Variants in CMSS1 observed in about 807,000 individuals in gnomAD.
The protein encoded by CMSS1 is protein CMSS1.
CMSS1 carries 33 observed loss-of-function variants against 43.5 expected under a neutral mutation model. That is an observed-to-expected ratio of 0.76 (90% CI 0.57 to 1.01). CMSS1 has a LOEUF of 1.01. CMSS1 is among the 50% of genes least tolerant of loss of function. CMSS1 has a pLI of 0.00. For synonymous variants in CMSS1, 115 were observed against 117.2 expected (o/e 0.98, Z 0.12); for missense variants, 313 against 326.4 (o/e 0.96, Z 0.32).
chr3:99,956,637 G>T (rs1708328005), intron 1 of CMSS1, among the ~76,000 whole-genome samples: 1 of 152,212 alleles, frequency 6.6e-6, no homozygotes, highest in African/African-American at 2.4e-5. Context: ...GTGAGCCCCC[G>T]CGCCCAGCCA....
chr3:99,828,631 C>A (rs1680259), intron 1 of CMSS1, among the ~76,000 whole-genome samples: 3 of 93,186 alleles, frequency 3.2e-5, no homozygotes, highest in African/African-American at 8.0e-5. Flanking sequence ...TTTTTTTTTT[C>A]TTTTCGGAGA....
chr3:99,905,721 G>T (rs1031445971), intron 1 of CMSS1, among the ~76,000 whole-genome samples: 1 of 152,096 alleles, frequency 6.6e-6, no homozygotes, highest in African/African-American at 2.4e-5. Flanking sequence ...CTTACTGAGA[G>T]GTTGCCACCA....
chr3:100,116,818 C>T (rs971891912), intron 1 of CMSS1, among the ~76,000 whole-genome samples: 3 of 152,168 alleles, frequency 2.0e-5, no homozygotes, highest in African/African-American at 7.2e-5. Flanking sequence ...TTGCTCATTG[C>T]CCCTGTGGGT....
At chr3:100,088,863 T>C (rs188272663) in intron 1 of CMSS1, among the ~76,000 whole-genome samples, 129 of 152,316 alleles carry the variant, frequency 8.5e-4, no homozygotes, top group Admixed American at 1.4e-3. Context: ...TAGTGAGCTT[T>C]TTTTTCCTTT....
At chr3:99,821,274 T>C (rs1161674811) in intron 1 of CMSS1, among the ~76,000 whole-genome samples, 1 of 152,250 alleles carries the variant, frequency 6.6e-6, no homozygotes, top group Non-Finnish European at 1.5e-5. Flanking sequence ...TGTATGCGTG[T>C]TACCTGCTAC....
chr3:100,139,611 G>GTA (rs1479770119), intron 1 of CMSS1, among the ~76,000 whole-genome samples: 8 of 144,932 alleles, frequency 5.5e-5, no homozygotes, highest in South Asian at 2.2e-4. Context: ...ATATGTGTGT[G>GTA]TGTATATATA....
At chr3:99,890,879 G>T (rs146607361) in intron 1 of CMSS1, among the ~76,000 whole-genome samples, 465 of 152,090 alleles carry the variant, frequency 3.1e-3, no homozygotes, top group African/African-American at 0.011. Context: ...TTTTTTATAT[G>T]AAGTCACGTA....
intron 1 of CMSS1, among the ~76,000 whole-genome samples, chr3:99,937,892 TAAA>T: frequency 6.6e-6 from 1 of 152,230 alleles, no homozygotes; most frequent in South Asian, 2.1e-4. Flanking sequence ...TTATTTATCT[TAAA>T]GAATTTTAGC....
intron 1 of CMSS1, among the ~76,000 whole-genome samples, chr3:100,133,028 A>T (rs2066722756): frequency 6.6e-6 from 1 of 152,072 alleles, no homozygotes; most frequent in Non-Finnish European, 1.5e-5. Flanking sequence ...AGAGTTTAGA[A>T]GTTAAGACCT....
chr3:99,859,782 C>A (rs556075050), intron 1 of CMSS1, among the ~76,000 whole-genome samples: 2 of 147,232 alleles, frequency 1.4e-5, no homozygotes, highest in East Asian at 4.0e-4. Context: ...ATTTTGGTAT[C>A]AGGCCTATAA....
chr3:100,108,752 T>C (rs2066435565), intron 1 of CMSS1, among the ~76,000 whole-genome samples: 1 of 152,182 alleles, frequency 6.6e-6, no homozygotes, highest in Admixed American at 6.6e-5. Context: ...AACAAATGTA[T>C]GCCCCTTCCA....
chr3:100,012,486 A>T (rs4928237), intron 1 of CMSS1, among the ~76,000 whole-genome samples: 88,195 of 151,910 alleles, frequency 0.58, 25,780 homozygotes, highest in East Asian at 0.73. Context: ...GGAAATCAAG[A>T]GCCTTAAGGA....
chr3:100,062,595 A>G (rs1003601569), intron 1 of CMSS1, among the ~76,000 whole-genome samples: 6 of 152,206 alleles, frequency 3.9e-5, no homozygotes, highest in African/African-American at 1.4e-4. Context: ...TGGCATATGC[A>G]TGGGCAATTA....
chr3:99,931,727 A>G (rs371823647), intron 1 of CMSS1, among the ~76,000 whole-genome samples: 1 of 152,352 alleles, frequency 6.6e-6, no homozygotes, highest in South Asian at 2.1e-4. Context: ...CGGAGATACT[A>G]CTACCTAACG....
chr3:100,155,466 GTTGTT>G (rs528376230), intron 2 of CMSS1, among the ~76,000 whole-genome samples: 35 of 152,154 alleles, frequency 2.3e-4, no homozygotes, highest in Non-Finnish European at 3.7e-4. Flanking sequence ...AAATAGATTA[GTTGTT>G]TTGTTTTGTT....
At chr3:100,078,853 T>C (rs1178823458) in intron 1 of CMSS1, among the ~76,000 whole-genome samples, 3 of 151,960 alleles carry the variant, frequency 2.0e-5, no homozygotes, top group African/African-American at 7.3e-5. Context: ...ATCACACCAC[T>C]GCACTCCAGC....
At chr3:99,991,866 A>G (rs528310515) in intron 1 of CMSS1, among the ~76,000 whole-genome samples, 2 of 149,702 alleles carry the variant, frequency 1.3e-5, no homozygotes, top group South Asian at 4.2e-4. Flanking sequence ...GTATGTGTAT[A>G]TATATACACA....
chr3:100,142,615 C>G (rs2066814319), intron 1 of CMSS1, among the ~76,000 whole-genome samples: 1 of 152,124 alleles, frequency 6.6e-6, no homozygotes, highest in East Asian at 1.9e-4. Flanking sequence ...TGTTCTTCAG[C>G]TAGCAGATTC....
In CMSS1 at chr3:99,962,306, T is replaced by C. The variant is rs75904898; in HGVS notation, c.64+144263T>C. Reference sequence around the variant, plus strand: ...AGTGGGAAGATGAGGTCGCATGTGATGGGAGAGTGGAAGATGATGGGCAGT... The same window carrying C: ...AGTGGGAAGATGAGGTCGCATGTGACGGGAGAGTGGAAGATGATGGGCAGT... On this transcript the variant is annotated intron_variant, in intron 1 of 9. Transcript: ENST00000421999. Among the ~76,000 whole-genome samples, 514 of 152,178 alleles carry C rather than the reference T, an allele frequency of 3.4e-3. 3 individuals are homozygous for C. The highest frequency in any genetic ancestry group is 0.012 in the African/African-American group (492 of 41,528).
Sources: allele counts gnomAD v4.1 joint callset (sites outside exome capture counted in the v4.1 genomes callset), GRCh38; gene constraint gnomAD v4.1.1; transcripts MANE v1.5; gene names NCBI Gene and HGNC (gene_info 2026-07-23, HGNC 2026-07-21).